The following RBFOX1 variants were observed in gnomAD, a reference collection of about 807,000 sequenced individuals.
The protein encoded by RBFOX1 is RNA binding fox-1 homolog 1, also known as RNA binding protein fox-1 homolog 1.
In RBFOX1, 8 loss-of-function variants were observed where a neutral mutation model predicts 57.7. The ratio of observed to expected loss-of-function variants is 0.14; its 90% CI spans 0.08 to 0.25. The LOEUF (loss-of-function observed/expected upper bound fraction) is 0.25. Among genes scored for constraint, RBFOX1 ranks in the 10% least tolerant of loss-of-function variants. The probability of loss-of-function intolerance (pLI) is 1.00; values close to 1 mark genes in which losing one functional copy is unlikely to be tolerated. For synonymous variants in RBFOX1, 326 were observed against 222.4 expected, an observed-to-expected ratio of 1.47 and a Z score of -4.15; for missense variants, 611 against 548.5, an observed-to-expected ratio of 1.11 and a Z score of -1.14.
intron 5 of RBFOX1, among the ~76,000 whole-genome samples, chr16:7,560,532 CAAAAA>C (rs35756861): frequency 1.5e-5 from 2 of 135,900 alleles, no homozygotes; most frequent in African/African-American, 5.5e-5. Flanking sequence ...TGTAGAGTAT[CAAAAA>C]AAAAAAAAAG....
chr16:5,449,668 G>A (rs931810340), intron 1 of RBFOX1, among the ~76,000 whole-genome samples: 8 of 152,110 alleles, frequency 5.3e-5, no homozygotes, highest in Non-Finnish European at 8.8e-5. Flanking sequence ...GAGAACAGTG[G>A]CACAATCACA....
intron 1 of RBFOX1, among the ~76,000 whole-genome samples, chr16:6,102,556 T>C (rs1255398996): frequency 6.6e-6 from 1 of 152,012 alleles, no homozygotes; most frequent in Non-Finnish European, 1.5e-5. Context: ...TAATTCTCTC[T>C]CTCTCTCCAC....
intron 4 of RBFOX1, among the ~76,000 whole-genome samples, chr16:7,159,215 G>T (rs1305445431): frequency 1.3e-5 from 2 of 152,256 alleles, no homozygotes; most frequent in African/African-American, 2.4e-5. Context: ...TTAGATTGCT[G>T]AGTAGTATTC....
At chr16:7,327,562 C>T (rs183944834) in intron 4 of RBFOX1, among the ~76,000 whole-genome samples, 1 of 152,280 alleles carries the variant, frequency 6.6e-6, no homozygotes, top group East Asian at 1.9e-4. Context: ...CTGTTTTATG[C>T]ATTTTGTTTT....
intron 3 of RBFOX1, among the ~76,000 whole-genome samples, chr16:6,867,023 A>G (rs1603634307): frequency 6.6e-6 from 1 of 151,498 alleles, no homozygotes; most frequent in South Asian, 2.1e-4. Context: ...CTTTAAAAAA[A>G]AAAAAAAAAA....
chr16:6,919,284 G>C (rs1162785767), intron 3 of RBFOX1, among the ~76,000 whole-genome samples: 1 of 152,090 alleles, frequency 6.6e-6, no homozygotes, highest in Non-Finnish European at 1.5e-5. Flanking sequence ...CATGGCGCCT[G>C]GCCCAAGAGG....
intron 2 of RBFOX1, among the ~76,000 whole-genome samples, chr16:6,572,176 G>A (rs546805018): frequency 3.3e-5 from 5 of 152,124 alleles, no homozygotes; most frequent in South Asian, 4.1e-4. Flanking sequence ...ATATCCCGTC[G>A]TGGAAGTATA....
Position 6,189,334 on chromosome 16 carries a change from G to A in RBFOX1, c.-126-127661G>A, listed in dbSNP as rs1000227965. On this transcript the variant is annotated intron_variant, in intron 1 of 15. Transcript: ENST00000550418. Reference sequence around the variant, plus strand: ...CAGGACACTGAGTGCCATTCCCGGAGTGCATTCAAGAGTCTAGTGCGCGCT... The same window carrying A: ...CAGGACACTGAGTGCCATTCCCGGAATGCATTCAAGAGTCTAGTGCGCGCT... Among the ~76,000 whole-genome samples, 4 of 152,354 alleles carry A rather than the reference G, an allele frequency of 2.6e-5. No individual in the cohort carries two copies. The South Asian group carries it at 8.3e-4, about 32-fold the overall frequency.
rs79782572 is a variant in RBFOX1 at position 6,211,160 on chromosome 16, C to T, written c.-126-105835C>T. Among the ~76,000 whole-genome samples the T allele has an allele frequency of 7.6e-4, 111 of 145,982 alleles. 1 individual carries two copies. Among genetic ancestry groups the T allele is most frequent in the African/African-American group, 2.4e-3 (96 of 39,748 alleles). Reference sequence around the variant, plus strand: ...GTAACCATGAGACAGAGTGTTTTTGCTTCCATGAGACAGAGTGTTTTCTTC... The same window carrying T: ...GTAACCATGAGACAGAGTGTTTTTGTTTCCATGAGACAGAGTGTTTTCTTC... On this transcript the variant is annotated intron_variant, in intron 1 of 15. Coordinates refer to ENST00000550418, the MANE Select transcript of RBFOX1 (RefSeq NM_018723.4).
intron 3 of RBFOX1, among the ~76,000 whole-genome samples, chr16:5,652,869 G>A (rs539524130): frequency 1.3e-5 from 2 of 152,322 alleles, no homozygotes; most frequent in Admixed American, 6.5e-5. Flanking sequence ...GGACTCAGGG[G>A]TCACTGTAGG....
rs565106599 is a variant in RBFOX1, at chr16:5,794,503, C to T, written c.319-72800C>T. 4.6e-5 allele frequency among the ~76,000 whole-genome samples: 7 copies of T among 151,692 alleles called. No homozygotes were observed. The East Asian group carries it at 1.2e-3, about 25-fold the overall frequency. Reference sequence around the variant, plus strand: ...CACTCACCTTATGTGAAACTCAATGCCAGCGTGCGTGTGTGTGTGTGTGTG... The same window carrying T: ...CACTCACCTTATGTGAAACTCAATGTCAGCGTGCGTGTGTGTGTGTGTGTG... On this transcript the variant is annotated intron_variant, in intron 3 of 19. Coordinates refer to the RBFOX1 transcript ENST00000641259.
intron 3 of RBFOX1, among the ~76,000 whole-genome samples, chr16:5,654,429 C>G (rs968041524): frequency 6.6e-5 from 10 of 152,148 alleles, no homozygotes; most frequent in Admixed American, 6.5e-5. Context: ...TCCCCCCAAC[C>G]TAAAGTCCAT....
chr16:5,394,987 G>A (rs1211641719), intron 1 of RBFOX1, among the ~76,000 whole-genome samples: 1 of 152,140 alleles, frequency 6.6e-6, no homozygotes, highest in Non-Finnish European at 1.5e-5. Flanking sequence ...CCTCTGGCCT[G>A]TACCTTCATT....
At chr16:7,367,180 C>T (rs75694515) in intron 4 of RBFOX1, among the ~76,000 whole-genome samples, 4,353 of 152,196 alleles carry the variant, frequency 0.029, 152 homozygotes, top group East Asian at 0.15. Flanking sequence ...CAATGACACT[C>T]TGGGGAATGG....
At chr16:6,758,701 A>G (rs2076172514) in intron 3 of RBFOX1, among the ~76,000 whole-genome samples, 1 of 152,252 alleles carries the variant, frequency 6.6e-6, no homozygotes, top group Admixed American at 6.5e-5. Context: ...CTAATTAAAA[A>G]GAAAATACAT....
chr16:6,306,719 G>T (rs1273026904), intron 1 of RBFOX1, among the ~76,000 whole-genome samples: 1 of 152,158 alleles, frequency 6.6e-6, no homozygotes, highest in African/African-American at 2.4e-5. Flanking sequence ...TCAGCCAGCA[G>T]TTGCCGTCCA....
intron 4 of RBFOX1, among the ~76,000 whole-genome samples, chr16:7,064,392 C>T (rs1335818875): frequency 6.6e-6 from 1 of 152,076 alleles, no homozygotes; most frequent in East Asian, 1.9e-4. Context: ...TGGTCTTGAA[C>T]CCCTGACCTC....
chr16:6,742,230 A>G (rs1274206579), intron 3 of RBFOX1, among the ~76,000 whole-genome samples: 1 of 152,208 alleles, frequency 6.6e-6, no homozygotes, highest in Non-Finnish European at 1.5e-5. Context: ...AAGAACATGG[A>G]AAGAATTCGG....
At chr16:5,938,833 C>G (rs755982575) in intron 4 of RBFOX1, among the ~76,000 whole-genome samples, 21 of 152,168 alleles carry the variant, frequency 1.4e-4, no homozygotes, top group Non-Finnish European at 2.2e-4. Context: ...GAGCCTAGCC[C>G]AAATTGCTGA....
Sources: allele counts gnomAD v4.1 joint callset (sites outside exome capture counted in the v4.1 genomes callset), GRCh38; gene constraint gnomAD v4.1.1; transcripts MANE v1.5; gene names NCBI Gene and HGNC (gene_info 2026-07-23, HGNC 2026-07-21).